POU6F2: variants seen among roughly 807,000 people sequenced by gnomAD.
The protein encoded by POU6F2 is POU class 6 homeobox 2.
Under a neutral mutation model 71.3 loss-of-function variants are expected in POU6F2, and 31 were observed. That is an observed-to-expected ratio of 0.43 (90% CI 0.33 to 0.59). The LOEUF is 0.59. Among genes scored for constraint, POU6F2 ranks in the 20% least tolerant of loss-of-function variants. The pLI is 0.04. For synonymous variants in POU6F2, 347 were observed against 355.7 expected, an observed-to-expected ratio of 0.98 and a Z score of 0.27; for missense variants, 783 against 856.8, an observed-to-expected ratio of 0.91 and a Z score of 1.07.
intron 2 of POU6F2, among the ~76,000 whole-genome samples, chr7:39,124,208 G>A (rs34244073): frequency 0.03 from 4,539 of 151,952 alleles, 95 homozygotes; most frequent in Middle Eastern, 0.078. Context: ...CACCACACCC[G>A]GCTAATTTTT....
intron 2 of POU6F2, among the ~76,000 whole-genome samples, chr7:39,132,006 C>G (rs778269188): frequency 1.3e-5 from 2 of 152,146 alleles, no homozygotes. Context: ...GTGTTACAAA[C>G]AATCCAATTA....
At chr7:39,162,131 CTG>C (rs1584575770) in intron 2 of POU6F2, among the ~76,000 whole-genome samples, 2 of 152,198 alleles carry the variant, frequency 1.3e-5, no homozygotes, top group Non-Finnish European at 1.5e-5. Flanking sequence ...GTGGATAAGA[CTG>C]TGTCTGTAGA....
chr7:39,078,352 T>C (rs1026940250), intron 1 of POU6F2, among the ~76,000 whole-genome samples: 2 of 152,204 alleles, frequency 1.3e-5, no homozygotes, highest in Non-Finnish European at 2.9e-5. Flanking sequence ...ATTAATATTC[T>C]CTGCTTGCAT....
intron 7 of POU6F2, among the ~76,000 whole-genome samples, chr7:39,447,013 G>T (rs757897800): frequency 1.3e-5 from 2 of 152,150 alleles, no homozygotes; most frequent in Non-Finnish European, 2.9e-5. Flanking sequence ...AAGTTTGGGG[G>T]TAGTACAGAT....
intron 4 of POU6F2, among the ~76,000 whole-genome samples, chr7:39,237,908 C>T (rs1268691452): frequency 6.6e-6 from 1 of 152,098 alleles, no homozygotes; most frequent in Non-Finnish European, 1.5e-5. Context: ...ACTAAATATA[C>T]AGCAACAAAC....
At chr7:39,292,667 T>C (rs4330591) in intron 4 of POU6F2, among the ~76,000 whole-genome samples, 126,100 of 152,180 alleles carry the variant, frequency 0.83, 52,274 homozygotes, top group Admixed American at 0.88. Flanking sequence ...GAGCTTGCCC[T>C]GTACATAAGC....
At chr7:39,249,671 C>CT (rs2128752593) in intron 4 of POU6F2, among the ~76,000 whole-genome samples, 1 of 152,232 alleles carries the variant, frequency 6.6e-6, no homozygotes, top group South Asian at 2.1e-4. Context: ...GTGTAATTGC[C>CT]TTAAACCCCA....
chr7:39,155,680 A>G (rs1052580636), intron 2 of POU6F2, among the ~76,000 whole-genome samples: 1 of 152,234 alleles, frequency 6.6e-6, no homozygotes, highest in Non-Finnish European at 1.5e-5. Context: ...CAGAGGATGC[A>G]TAAATAAAAG....
intron 2 of POU6F2, among the ~76,000 whole-genome samples, chr7:39,146,541 AGTTTGATAGCCAC>A (rs1159329643): frequency 6.6e-6 from 1 of 152,210 alleles, no homozygotes; most frequent in Non-Finnish European, 1.5e-5. Context: ...TAAACTGTAT[AGTTTGATAGCCAC>A]GTTTGATAGC....
intron 1 of POU6F2, among the ~76,000 whole-genome samples, chr7:39,076,279 CA>C (rs1006326694): frequency 4.0e-5 from 6 of 151,542 alleles, no homozygotes; most frequent in Non-Finnish European, 5.9e-5. Flanking sequence ...TCCTATCAAT[CA>C]ACCAGTCAAA....
At chr7:39,427,256 T>G (rs1219109473) in intron 6 of POU6F2, among the ~76,000 whole-genome samples, 1 of 152,198 alleles carries the variant, frequency 6.6e-6, no homozygotes, top group Non-Finnish European at 1.5e-5. Context: ...ATTCCTATTT[T>G]ACAGGTGAGT....
In POU6F2 at chr7:39,413,365, A is replaced by G. The variant is rs1043343826; in HGVS notation, c.1113+6625A>G. ...AGATACGAAATAATATGTACAGAAT[A>G]ATACCATTTTTAAATACAAAAAAGG... On this transcript the variant is annotated intron_variant, in intron 6 of 9. Transcript: ENST00000518318. Among the ~76,000 whole-genome samples, 51 of 152,188 alleles carry G rather than the reference A, an allele frequency of 3.4e-4. 1 individual carries two copies. The highest frequency in any genetic ancestry group is 5.9e-5 in the Non-Finnish European group (4 of 68,038).
At chr7:39,212,241 A>G (rs1164837658) in intron 4 of POU6F2, among the ~76,000 whole-genome samples, 1 of 152,228 alleles carries the variant, frequency 6.6e-6, no homozygotes, top group African/African-American at 2.4e-5. Context: ...AGCCTCTCTC[A>G]TCAGCAGAAG....
At chr7:39,431,033 C>G (rs1788087024) in intron 6 of POU6F2, among the ~76,000 whole-genome samples, 1 of 152,192 alleles carries the variant, frequency 6.6e-6, no homozygotes, top group East Asian at 1.9e-4. Context: ...TAATGCAAGA[C>G]CACTCATCAA....
At chr7:39,148,550 G>A (rs748869454) in intron 2 of POU6F2, among the ~76,000 whole-genome samples, 1 of 152,184 alleles carries the variant, frequency 6.6e-6, no homozygotes, top group Non-Finnish European at 1.5e-5. Context: ...TAATGGTGAT[G>A]ATGATAATGA....
chr7:39,084,714 A>T (rs78116367), intron 1 of POU6F2, among the ~76,000 whole-genome samples: 1 of 150,536 alleles, frequency 6.6e-6, no homozygotes, highest in African/African-American at 2.5e-5. Context: ...TGAATACATT[A>T]AAAAAAAATA....
At chr7:39,332,110 T>C (rs6462910) in intron 4 of POU6F2, among the ~76,000 whole-genome samples, 111,793 of 152,204 alleles carry the variant, frequency 0.73, 41,616 homozygotes, top group East Asian at 0.9. Flanking sequence ...ACTTCTTGTT[T>C]TAATTTGGAA....
intron 6 of POU6F2, among the ~76,000 whole-genome samples, chr7:39,415,741 A>G (rs1466350857): frequency 6.6e-6 from 1 of 152,338 alleles, no homozygotes; most frequent in East Asian, 1.9e-4. Context: ...AATGAAAATA[A>G]TATCTCCCAT....
At chr7:39,094,808 A>G (rs936869457) in intron 2 of POU6F2, among the ~76,000 whole-genome samples, 8 of 152,144 alleles carry the variant, frequency 5.3e-5, no homozygotes, top group Non-Finnish European at 1.0e-4. Flanking sequence ...TTTTTGCTCA[A>G]ATTGACCCAG....
Sources: gnomAD v4.1 joint callset for allele counts (sites outside exome capture counted in the v4.1 genomes callset) on GRCh38, gnomAD v4.1.1 for gene constraint, MANE v1.5 for transcripts, NCBI Gene and HGNC (gene_info 2026-07-23, HGNC 2026-07-21) for gene names.